The following CUTC variants were observed in gnomAD, a reference collection of about 807,000 sequenced individuals.
CUTC encodes copper homeostasis protein cutC homolog.
Under a neutral mutation model 36.2 loss-of-function variants are expected in CUTC, and 27 were observed. That is an observed-to-expected ratio of 0.75 (90% CI 0.55 to 1.03). The LOEUF is 1.03. Ranked by LOEUF, CUTC falls within the 50% of genes least tolerant of loss-of-function variation. The pLI is 0.00. For synonymous variants in CUTC, 114 were observed against 118.3 expected, an observed-to-expected ratio of 0.96 and a Z score of 0.24; for missense variants, 315 against 343.5, an observed-to-expected ratio of 0.92 and a Z score of 0.66.
rs1051838049 is a variant in CUTC, at chr10:99,733,583, G to A, written c.61+1174G>A. Among the ~76,000 whole-genome samples, 5 of 152,090 alleles carry A rather than the reference G, an allele frequency of 3.3e-5. No homozygotes were observed. In the East Asian group the frequency reaches 7.7e-4, roughly 23 times the overall value. On this transcript the variant is annotated intron_variant, in intron 1 of 8. Coordinates refer to ENST00000370476, the MANE Select transcript of CUTC (RefSeq NM_015960.3). ...CTCTTCACGGAGGTTGCAGTAAGCC[G>A]AGATCGCGCCAATGCACTCCATCTT...
chr10:99,745,786 G>A (rs2037373867), intron 5 of CUTC, among the ~76,000 whole-genome samples: 1 of 152,224 alleles, frequency 6.6e-6, no homozygotes, highest in African/African-American at 2.4e-5. Context: ...GAATCAGGGA[G>A]TCAGAGGTTG....
chr10:99,741,019 T>G (rs564457974), intron 3 of CUTC, among the ~76,000 whole-genome samples: 2 of 152,372 alleles, frequency 1.3e-5, no homozygotes, highest in East Asian at 3.9e-4. Context: ...CTGCGAATTC[T>G]AACATCTATA....
chr10:99,743,935 C>A, intron 4 of CUTC, 102 bp from the exon 5 acceptor site: 2 of 802,756 alleles, frequency 2.5e-6, no homozygotes, highest in African/African-American at 1.8e-5. Flanking sequence ...TCTTGTTAGG[C>A]GAAGAAAGTA....
At position 99,745,173 on chromosome 10, in the gene CUTC, A is replaced by G. The variant is rs116088812; in HGVS notation, c.439+1101A>G. ...CACATGAAAAGAAGTCTACAGTCAA[A>G]AAAAATTTTTTTACTTCAAATTTCT... On this transcript the variant is annotated intron_variant, in intron 5 of 8. Transcript: ENST00000370476. Among the ~76,000 whole-genome samples the G allele has an allele frequency of 2.1e-3, 315 of 152,362 alleles. 2 individuals are homozygous for G. Among genetic ancestry groups the G allele is most frequent in the African/African-American group, 7.4e-3 (309 of 41,592 alleles).
chr10:99,739,428 C>T (rs1264761191), intron 2 of CUTC, among the ~76,000 whole-genome samples: 1 of 152,154 alleles, frequency 6.6e-6, no homozygotes, highest in Non-Finnish European at 1.5e-5. Context: ...CATCTTTATT[C>T]TATGTTACTT....
chr10:99,747,888 A>G (rs549987407), intron 6 of CUTC, among the ~76,000 whole-genome samples: 2 of 152,296 alleles, frequency 1.3e-5, no homozygotes, highest in Admixed American at 6.5e-5. Flanking sequence ...CCCATATAAA[A>G]TTATCATCTG....
Position 99,754,575 on chromosome 10 carries a change from A to T in CUTC, c.648A>T (p.Ser216=). 1 of 1,613,846 alleles carries T rather than the reference A, an allele frequency of 6.2e-7. No homozygotes were observed. The highest frequency in any genetic ancestry group is 8.5e-7 in the Non-Finnish European group (1 of 1,179,762). The change falls in exon 8 of 9, where the codon TCA becomes TCT. Residue 216 remains serine (S), a synonymous_variant. Transcript: ENST00000370476. ...ATCTACAAAGGATCCTTGAGGGTTC[A>T]GGTGCTACAGAATTCCACTGTTCTG... The part of the protein sequence containing the change: ...DRNLQRILEG[S]GATEFHCSAR...
chr10:99,749,341 T>C (rs911949911), intron 6 of CUTC, among the ~76,000 whole-genome samples: 2 of 152,160 alleles, frequency 1.3e-5, no homozygotes, highest in Admixed American at 6.5e-5. Flanking sequence ...AGGATAATAA[T>C]AGCACCTACC....
intron 7 of CUTC, among the ~76,000 whole-genome samples, chr10:99,752,534 CT>C (rs2037427016): frequency 6.6e-6 from 1 of 152,158 alleles, no homozygotes; most frequent in Admixed American, 6.6e-5. Flanking sequence ...GTTAAAGAGA[CT>C]CTGAGTGTGA....
intron 3 of CUTC, among the ~76,000 whole-genome samples, chr10:99,740,463 A>G (rs980601064): frequency 6.6e-6 from 1 of 151,228 alleles, no homozygotes; most frequent in Non-Finnish European, 1.5e-5. Flanking sequence ...ATGTTTTTCC[A>G]TTGTCGTCTT....
intron 3 of CUTC, among the ~76,000 whole-genome samples, chr10:99,740,221 A>G (rs1231171723): frequency 6.6e-6 from 1 of 152,166 alleles, no homozygotes; most frequent in Non-Finnish European, 1.5e-5. Context: ...ATTTACCCAC[A>G]TGCAACTACC....
intron 3 of CUTC, among the ~76,000 whole-genome samples, chr10:99,741,739 T>C (rs1309912641): frequency 6.6e-6 from 1 of 152,174 alleles, no homozygotes. Flanking sequence ...TACATTTGTT[T>C]GTTTGTTTGT....
intron 1 of CUTC, among the ~76,000 whole-genome samples, chr10:99,734,301 C>G (rs2037273534): frequency 6.6e-6 from 1 of 152,098 alleles, no homozygotes; most frequent in Non-Finnish European, 1.5e-5. Flanking sequence ...AAATCCTGAC[C>G]TCAGATCCGC....
chr10:99,742,572 G>T (rs1482866036), intron 3 of CUTC, among the ~76,000 whole-genome samples: 2 of 151,962 alleles, frequency 1.3e-5, no homozygotes, highest in Non-Finnish European at 2.9e-5. Flanking sequence ...CAACTGATGG[G>T]GCCTGTCACA....
At chr10:99,735,259 C>T (rs1211375045) in intron 1 of CUTC, among the ~76,000 whole-genome samples, 2 of 151,884 alleles carry the variant, frequency 1.3e-5, no homozygotes, top group South Asian at 2.1e-4. Flanking sequence ...TAAATGAGTT[C>T]AAAAGAGGGA....
At chr10:99,734,218 C>T (rs989593417) in intron 1 of CUTC, among the ~76,000 whole-genome samples, 5 of 151,910 alleles carry the variant, frequency 3.3e-5, no homozygotes, top group Non-Finnish European at 4.4e-5. Flanking sequence ...TACAGGCGCC[C>T]GCCACCACGC....
At chr10:99,751,774 C>T (rs1057393295) in intron 7 of CUTC, among the ~76,000 whole-genome samples, 1 of 152,224 alleles carries the variant, frequency 6.6e-6, no homozygotes, top group African/African-American at 2.4e-5. Flanking sequence ...ATGAGCATCA[C>T]TTGAACCAAG....
intron 3 of CUTC, among the ~76,000 whole-genome samples, chr10:99,742,863 A>G (rs953156239): frequency 6.6e-6 from 1 of 152,250 alleles, no homozygotes; most frequent in African/African-American, 2.4e-5. Context: ...CTGGCAGAAC[A>G]TCGAGCCTGG....
intron 1 of CUTC, 92 bp from the exon 2 acceptor site, chr10:99,736,154 G>A: frequency 1.0e-6 from 1 of 954,830 alleles, no homozygotes; most frequent in South Asian, 1.4e-5. Context: ...TTGGACATTT[G>A]CATTTTGGCA....
Sources: gnomAD v4.1 joint callset for allele counts (sites outside exome capture counted in the v4.1 genomes callset) on GRCh38, gnomAD v4.1.1 for gene constraint, MANE v1.5 for transcripts, NCBI Gene and HGNC (gene_info 2026-07-23, HGNC 2026-07-21) for gene names.